The following GPHN variants were observed in gnomAD, a reference collection of about 807,000 sequenced individuals.
GPHN encodes the protein gephyrin.
A neutral mutation model predicts 95.5 loss-of-function variants in GPHN; 17 were observed. The ratio of observed to expected loss-of-function variants is 0.18; its 90% CI spans 0.12 to 0.27. GPHN has a LOEUF of 0.27. Ranked by LOEUF, GPHN falls within the 10% of genes least tolerant of loss-of-function variation. GPHN has a pLI of 1.00. For synonymous variants in GPHN, 320 were observed against 322.5 expected (o/e 0.99, Z 0.08); for missense variants, 660 against 978.1 (o/e 0.67, Z 4.34).
At chr14:66,933,348 T>C (rs747493831) in intron 8 of GPHN, among the ~76,000 whole-genome samples, 3 of 152,210 alleles carry the variant, frequency 2.0e-5, no homozygotes, top group Non-Finnish European at 4.4e-5. Context: ...ACCTGGTGTG[T>C]TGTCAGTGTG....
the GPHN span, among the ~76,000 whole-genome samples, chr14:67,610,138 G>A: frequency 2.0e-5 from 3 of 152,120 alleles, no homozygotes; most frequent in Non-Finnish European, 4.4e-5. Context: ...TCTATGGTCC[G>A]GCACCAGGCT....
At chr14:67,032,327 GC>G (rs2074230744) in intron 10 of GPHN, among the ~76,000 whole-genome samples, 1 of 152,184 alleles carries the variant, frequency 6.6e-6, no homozygotes, top group African/African-American at 2.4e-5. Context: ...GAGGCAGCTT[GC>G]TGTAGTACCA....
At chr14:67,037,489 C>CA (rs1022510828) in intron 10 of GPHN, among the ~76,000 whole-genome samples, 1 of 151,744 alleles carries the variant, frequency 6.6e-6, no homozygotes, top group Non-Finnish European at 1.5e-5. Context: ...TCAAAGGAAA[C>CA]AATCAGCAGA....
At chr14:66,665,896 G>A (rs1434396908) in intron 1 of GPHN, among the ~76,000 whole-genome samples, 1 of 152,122 alleles carries the variant, frequency 6.6e-6, no homozygotes, top group South Asian at 2.1e-4. Context: ...TGTGGCACAT[G>A]TACATCATGG....
At chr14:67,165,376 A>G in intron 20 of GPHN, 150 bp downstream of exon 20, 1 of 650,962 alleles carries the variant, frequency 1.5e-6, no homozygotes, top group East Asian at 2.7e-5. Context: ...CTCTCTAGGA[A>G]GTTTCTTCAC....
the GPHN span, among the ~76,000 whole-genome samples, chr14:67,444,967 G>A: frequency 6.6e-6 from 1 of 152,076 alleles, no homozygotes; most frequent in Non-Finnish European, 1.5e-5. Context: ...CACCATGTTG[G>A]CCAAGTTTCT....
At chr14:67,303,670 T>A in the GPHN span, 7 of 1,040,704 alleles carry the variant, frequency 6.7e-6, no homozygotes, top group Non-Finnish European at 9.1e-6. Context: ...TGTTTACTGT[T>A]ACAGAAATGT....
At chr14:67,505,219 A>G in the GPHN span, among the ~76,000 whole-genome samples, 11 of 152,234 alleles carry the variant, frequency 7.2e-5, 1 homozygote, top group South Asian at 2.3e-3. Flanking sequence ...ATGGGCAGAG[A>G]CTGGGGAAAA....
At chr14:66,861,464 A>G (rs2063021565) in intron 4 of GPHN, among the ~76,000 whole-genome samples, 1 of 152,102 alleles carries the variant, frequency 6.6e-6, no homozygotes, top group Non-Finnish European at 1.5e-5. Flanking sequence ...ACAAGGAAAC[A>G]TCAGACTTAA....
the GPHN span, chr14:67,223,994 C>T: frequency 3.0e-6 from 3 of 984,048 alleles, no homozygotes; most frequent in Non-Finnish European, 3.6e-6. Context: ...AATAACTGCT[C>T]CCCATAGTAG....
At chr14:67,639,924 CAAAAAAAAAAAAA>C in the GPHN span, among the ~76,000 whole-genome samples, 3 of 61,832 alleles carry the variant, frequency 4.9e-5, no homozygotes, top group Non-Finnish European at 8.6e-5. Flanking sequence ...GACCCTGTCT[CAAAAAAAAAAAAA>C]AAAAAAAAAA....
rs113652912 is a variant in GPHN, at chr14:67,150,843, G to A, written c.1836+7394G>A. On this transcript the variant is annotated intron_variant, in intron 18 of 22. Transcript: ENST00000478722. ...CAAGTAGCTAGCATTATAGGTACAC[G>A]TCATCATACCTGGCTTTTGGGTTTC... 3.2e-3 allele frequency among the ~76,000 whole-genome samples: 482 copies of A among 152,120 alleles called. 5 individuals are homozygous for A. The highest frequency in any genetic ancestry group is 0.011 in the African/African-American group (446 of 41,506).
chr14:67,624,434 G>A, the GPHN span, among the ~76,000 whole-genome samples: 1 of 152,216 alleles, frequency 6.6e-6, no homozygotes, highest in East Asian at 1.9e-4. Context: ...TTGACTCATG[G>A]TTCTGCAGGA....
the GPHN span, among the ~76,000 whole-genome samples, chr14:67,450,279 G>A: frequency 6.6e-6 from 1 of 152,188 alleles, no homozygotes; most frequent in Non-Finnish European, 1.5e-5. Flanking sequence ...CATGAAAATG[G>A]ACTAAATACA....
chr14:67,547,768 A>C, the GPHN span, among the ~76,000 whole-genome samples: 1 of 151,932 alleles, frequency 6.6e-6, no homozygotes, highest in Non-Finnish European at 1.5e-5. Context: ...CTTGCACCTG[A>C]CTCCCTCGTA....
chr14:67,445,919 C>T, the GPHN span, among the ~76,000 whole-genome samples: 1 of 152,134 alleles, frequency 6.6e-6, no homozygotes, highest in South Asian at 2.1e-4. Flanking sequence ...AGCTCATGTA[C>T]TTCACAGTTT....
At chr14:66,745,106 G>T (rs921265388) in intron 2 of GPHN, among the ~76,000 whole-genome samples, 3 of 151,988 alleles carry the variant, frequency 2.0e-5, no homozygotes, top group Non-Finnish European at 4.4e-5. Flanking sequence ...ATTTGGTTAT[G>T]AATTCATTAT....
chr14:67,551,605 G>A, the GPHN span, among the ~76,000 whole-genome samples: 2 of 152,110 alleles, frequency 1.3e-5, no homozygotes, highest in African/African-American at 2.4e-5. Context: ...CAAGGCAGCG[G>A]TAATAATGTT....
the GPHN span, among the ~76,000 whole-genome samples, chr14:67,267,792 T>A: frequency 6.6e-6 from 1 of 152,210 alleles, no homozygotes; most frequent in Non-Finnish European, 1.5e-5. Flanking sequence ...AAACTGCTTT[T>A]TGTAATAGCA....
Sources: allele counts gnomAD v4.1 joint callset (sites outside exome capture counted in the v4.1 genomes callset), GRCh38; gene constraint gnomAD v4.1.1; transcripts MANE v1.5; gene names NCBI Gene and HGNC (gene_info 2026-07-23, HGNC 2026-07-21).